The following ANO1 variants were observed in gnomAD, a reference collection of about 807,000 sequenced individuals.
ANO1 encodes anoctamin 1.
In ANO1, 59 loss-of-function variants were observed where a neutral mutation model predicts 124.0. The observed-to-expected ratio is 0.48, with a 90% confidence interval of 0.39 to 0.59. The LOEUF (loss-of-function observed/expected upper bound fraction) is 0.59, where lower values mean the gene tolerates loss of function less well. Ranked by LOEUF, ANO1 falls within the 20% of genes least tolerant of loss-of-function variation. The pLI, the probability that ANO1 is intolerant of heterozygous loss-of-function variation, is 0.00. For missense variants in ANO1, 1,059 were observed against 1,328.0 expected, an observed-to-expected ratio of 0.80 and a Z score of 3.15; for synonymous variants, 529 against 532.0, an observed-to-expected ratio of 0.99 and a Z score of 0.08.
the ANO1 span, among the ~76,000 whole-genome samples, chr11:69,972,130 T>A: frequency 7.2e-6 from 1 of 139,122 alleles, no homozygotes; most frequent in African/African-American, 2.7e-5. Context: ...GAGGTTGTAG[T>A]GAGCCAAGAT....
intron 8 of ANO1, among the ~76,000 whole-genome samples, chr11:70,122,883 G>A (rs994683678): frequency 1.3e-4 from 20 of 152,302 alleles, no homozygotes; most frequent in African/African-American, 3.8e-4. Flanking sequence ...CCAGGTTAGC[G>A]ATGGCTGCTT....
intron 1 of ANO1, among the ~76,000 whole-genome samples, chr11:70,048,844 G>C (rs1555005973): frequency 6.6e-6 from 1 of 152,012 alleles, no homozygotes; most frequent in African/African-American, 2.4e-5. Context: ...CCTTGGGGGG[G>C]CCTACTTGCC....
At chr11:70,155,247 C>T (rs548315748) in intron 14 of ANO1, among the ~76,000 whole-genome samples, 4 of 152,332 alleles carry the variant, frequency 2.6e-5, no homozygotes, top group South Asian at 2.1e-4. Context: ...CAACAGGTGC[C>T]GGAAGGAAGC....
At chr11:70,155,086 C>T (rs1454314823) in intron 14 of ANO1, among the ~76,000 whole-genome samples, 1 of 152,260 alleles carries the variant, frequency 6.6e-6, no homozygotes, top group Non-Finnish European at 1.5e-5. Context: ...GCCTCCAAGA[C>T]AGCCCACCCT....
intron 21 of ANO1, 105 bp from the exon 22 acceptor site, chr11:70,170,782 T>G: frequency 7.1e-7 from 1 of 1,412,068 alleles, no homozygotes; most frequent in Non-Finnish European, 9.5e-7. Context: ...TCGTTGGAGG[T>G]GGGGCGGCAG....
intron 1 of ANO1, chr11:70,014,839 TTTC>T (rs1245337295): frequency 1.5e-5 from 2 of 137,678 alleles, no homozygotes; most frequent in Non-Finnish European, 3.0e-5. Flanking sequence ...GTTTTTTTTT[TTTC>T]TTTTTTTTTT....
At chr11:70,085,645 A>T in intron 1 of ANO1, 1 of 1,518,240 alleles carries the variant, frequency 6.6e-7, no homozygotes, top group Non-Finnish European at 8.8e-7. Flanking sequence ...AGGAGTCTAG[A>T]CCCTTGACAT....
At chr11:70,127,260 G>A (rs1565228167) in intron 10 of ANO1, among the ~76,000 whole-genome samples, 2 of 152,172 alleles carry the variant, frequency 1.3e-5, no homozygotes, top group Non-Finnish European at 2.9e-5. Context: ...CTCAGTGCAG[G>A]CTGGCGCTCG....
At chr11:70,000,435 C>G (rs11236184) in intron 1 of ANO1, among the ~76,000 whole-genome samples, 13,602 of 152,138 alleles carry the variant, frequency 0.089, 1,045 homozygotes, top group East Asian at 0.43. Flanking sequence ...CATTAGTCAT[C>G]AGGAAATGCA....
At chr11:70,051,366 C>T (rs1272851573) in intron 1 of ANO1, among the ~76,000 whole-genome samples, 1 of 152,220 alleles carries the variant, frequency 6.6e-6, no homozygotes, top group Non-Finnish European at 1.5e-5. Flanking sequence ...TGTTGATGAG[C>T]ATTTGGGTTG....
At chr11:70,074,291 G>A (rs1334825475), upstream of ANO1, among the ~76,000 whole-genome samples, 4 of 152,140 alleles carry the variant, frequency 2.6e-5, no homozygotes, top group Non-Finnish European at 4.4e-5. Flanking sequence ...GCAGAGATTT[G>A]TACTGGGCCA....
At chr11:70,123,699 C>T (rs532277782) in intron 8 of ANO1, among the ~76,000 whole-genome samples, 3 of 152,172 alleles carry the variant, frequency 2.0e-5, no homozygotes, top group Non-Finnish European at 4.4e-5. Context: ...TAGCCCTGGG[C>T]GGGCATGATG....
At chr11:70,033,317 C>T (rs1384834787) in intron 1 of ANO1, among the ~76,000 whole-genome samples, 6 of 152,142 alleles carry the variant, frequency 3.9e-5, no homozygotes, top group Non-Finnish European at 5.9e-5. Context: ...CTCTGTGGTT[C>T]CAACAAACCC....
intron 1 of ANO1, among the ~76,000 whole-genome samples, chr11:70,017,161 C>T (rs980006199): frequency 6.6e-6 from 1 of 152,142 alleles, no homozygotes; most frequent in African/African-American, 2.4e-5. Flanking sequence ...CTTCTCTCCC[C>T]ATCCGGAGGA....
At chr11:70,168,086 A>G (rs1295998191) in intron 21 of ANO1, among the ~76,000 whole-genome samples, 3 of 152,200 alleles carry the variant, frequency 2.0e-5, no homozygotes, top group South Asian at 2.1e-4. Context: ...GAGGTGGCAC[A>G]TACCTTTTGG....
At chr11:70,129,301 C>T (rs776875430) in intron 10 of ANO1, 3 of 152,392 alleles carry the variant, frequency 2.0e-5, no homozygotes, top group Non-Finnish European at 2.9e-5. Context: ...CCAAGGGCCA[C>T]ACTCGTGTTG....
chr11:70,008,293 G>T (rs895888520), intron 1 of ANO1, among the ~76,000 whole-genome samples: 1 of 152,186 alleles, frequency 6.6e-6, no homozygotes, highest in Middle Eastern at 3.2e-3. Flanking sequence ...GCCTGTGCCT[G>T]TGGTCTCATA....
intron 1 of ANO1, among the ~76,000 whole-genome samples, chr11:70,067,774 G>A (rs1179028877): frequency 6.6e-6 from 1 of 152,150 alleles, no homozygotes; most frequent in East Asian, 1.9e-4. Flanking sequence ...CCCCGGCTTG[G>A]GCAGTCGACC....
At chr11:70,067,090 A>G (rs1489464510) in intron 1 of ANO1, among the ~76,000 whole-genome samples, 1 of 152,038 alleles carries the variant, frequency 6.6e-6, no homozygotes, top group African/African-American at 2.4e-5. Context: ...AGTCTTCCCA[A>G]AGTTTCCTTA....
Sources: allele counts gnomAD v4.1 joint callset (sites outside exome capture counted in the v4.1 genomes callset), GRCh38; gene constraint gnomAD v4.1.1; transcripts MANE v1.5; gene names NCBI Gene and HGNC (gene_info 2026-07-23, HGNC 2026-07-21).